Variants in ANKS1A observed in about 807,000 individuals in gnomAD.
The protein encoded by ANKS1A is ankyrin repeat and sterile alpha motif domain containing 1A.
Under a neutral mutation model 120.3 loss-of-function variants are expected in ANKS1A, and 55 were observed. The ratio of observed to expected loss-of-function variants is 0.46; its 90% CI spans 0.37 to 0.57. The LOEUF (loss-of-function observed/expected upper bound fraction) is 0.57. ANKS1A is among the 20% of genes least tolerant of loss of function. The pLI, the probability that ANKS1A is intolerant of heterozygous loss-of-function variation, is 0.00. For synonymous variants in ANKS1A, 590 were observed against 604.7 expected, an observed-to-expected ratio of 0.98 and a Z score of 0.36; for missense variants, 1,123 against 1,480.3, an observed-to-expected ratio of 0.76 and a Z score of 3.96.
chr6:34,923,883 C>T (rs908787081), intron 1 of ANKS1A, among the ~76,000 whole-genome samples: 2 of 152,154 alleles, frequency 1.3e-5, no homozygotes, highest in African/African-American at 4.8e-5. Context: ...CTCACTGCTG[C>T]ATACTCAAAG....
intron 1 of ANKS1A, among the ~76,000 whole-genome samples, chr6:34,947,481 C>T (rs1470284829): frequency 6.6e-6 from 1 of 152,068 alleles, no homozygotes; most frequent in East Asian, 1.9e-4. Context: ...GTCTCTTGTG[C>T]TTCTGAAATA....
At chr6:34,908,218 C>T (rs1236630136) in intron 1 of ANKS1A, among the ~76,000 whole-genome samples, 1 of 152,146 alleles carries the variant, frequency 6.6e-6, no homozygotes, top group Non-Finnish European at 1.5e-5. Flanking sequence ...TCCTAGACTA[C>T]TTGTACCCCT....
chr6:34,966,085 C>G (rs936111778), intron 1 of ANKS1A, among the ~76,000 whole-genome samples: 43 of 152,074 alleles, frequency 2.8e-4, no homozygotes, highest in African/African-American at 9.9e-4. Context: ...AGACAGCTGC[C>G]CAGCTGACCT....
At chr6:34,983,459 C>A in intron 7 of ANKS1A, 34 bp downstream of exon 7, 1 of 1,502,734 alleles carries the variant, frequency 6.7e-7, no homozygotes, top group Non-Finnish European at 9.1e-7. Flanking sequence ...TAAAGGGGTG[C>A]TCAGCTTGAA....
intron 1 of ANKS1A, among the ~76,000 whole-genome samples, chr6:34,946,588 G>GAA (rs35244154): frequency 2.9e-5 from 4 of 136,994 alleles, no homozygotes; most frequent in Non-Finnish European, 3.2e-5. Context: ...ACTCTGTCTT[G>GAA]AAAAAAAAAA....
chr6:34,939,638 A>G (rs867537527), intron 1 of ANKS1A, among the ~76,000 whole-genome samples: 14 of 152,116 alleles, frequency 9.2e-5, no homozygotes, highest in African/African-American at 2.9e-4. Flanking sequence ...GCTTGAGCCC[A>G]GGAGTTCCAG....
chr6:35,079,289 T>G (rs1465860286), intron 14 of ANKS1A, among the ~76,000 whole-genome samples: 2 of 152,160 alleles, frequency 1.3e-5, no homozygotes, highest in East Asian at 3.9e-4. Flanking sequence ...TAGGGCCATC[T>G]TCCAGCCCTG....
chr6:34,976,263 T>G (rs1032237701), intron 3 of ANKS1A, among the ~76,000 whole-genome samples: 2 of 152,140 alleles, frequency 1.3e-5, no homozygotes, highest in Non-Finnish European at 2.9e-5. Flanking sequence ...AGTGCTAAGT[T>G]CTATCAGGCA....
At chr6:34,976,798 G>A (rs1305695194) in intron 3 of ANKS1A, among the ~76,000 whole-genome samples, 1 of 143,162 alleles carries the variant, frequency 7.0e-6, no homozygotes, top group Non-Finnish European at 1.6e-5. Context: ...GTGTGTGTGT[G>A]TATGCAATAA....
chr6:35,048,181 GA>G (rs897759559), intron 11 of ANKS1A, among the ~76,000 whole-genome samples: 9 of 152,198 alleles, frequency 5.9e-5, no homozygotes, highest in Non-Finnish European at 1.2e-4. Flanking sequence ...AGGGAAGACG[GA>G]CAAAGCACTT....
chr6:35,075,468 T>A (rs1581741624), intron 13 of ANKS1A, among the ~76,000 whole-genome samples: 1 of 147,864 alleles, frequency 6.8e-6, no homozygotes, highest in Non-Finnish European at 1.5e-5. Flanking sequence ...CAGGCTGGAG[T>A]GCAGTGGCGC....
chr6:35,092,860 C>T (rs192418276), downstream of ANKS1A, among the ~76,000 whole-genome samples: 25 of 152,308 alleles, frequency 1.6e-4, no homozygotes, highest in Middle Eastern at 3.4e-3. Flanking sequence ...GGCTCCTAGA[C>T]AGCTGGGTTG....
chr6:34,933,024 A>T (rs187727355), intron 1 of ANKS1A, among the ~76,000 whole-genome samples: 50 of 152,244 alleles, frequency 3.3e-4, no homozygotes, highest in Non-Finnish European at 4.7e-4. Context: ...ATTTTATCCT[A>T]GTGGATATAA....
chr6:34,938,552 A>G (rs1769369519), intron 1 of ANKS1A, among the ~76,000 whole-genome samples: 1 of 152,238 alleles, frequency 6.6e-6, no homozygotes, highest in Admixed American at 6.5e-5. Context: ...CCCTCCCCCA[A>G]GAAGCCTATT....
intron 1 of ANKS1A, among the ~76,000 whole-genome samples, chr6:34,931,072 T>C (rs868177505): frequency 1.3e-4 from 19 of 151,444 alleles, no homozygotes; most frequent in African/African-American, 4.1e-4. Context: ...AGAGACAGGG[T>C]TTCTCCATGT....
At chr6:34,947,661 C>A (rs950016414) in intron 1 of ANKS1A, among the ~76,000 whole-genome samples, 1 of 152,096 alleles carries the variant, frequency 6.6e-6, no homozygotes, top group Non-Finnish European at 1.5e-5. Context: ...ATCTGGAAAA[C>A]AAAAAGCTGT....
At chr6:34,906,605 G>T (rs1294265213) in intron 1 of ANKS1A, among the ~76,000 whole-genome samples, 1 of 152,196 alleles carries the variant, frequency 6.6e-6, no homozygotes, top group Non-Finnish European at 1.5e-5. Flanking sequence ...AATTATAAAT[G>T]TAGGAATAAT....
chr6:35,071,889 AG>A (rs909753054), intron 13 of ANKS1A, among the ~76,000 whole-genome samples: 2 of 152,312 alleles, frequency 1.3e-5, no homozygotes, highest in African/African-American at 4.8e-5. Flanking sequence ...GTGGAGGGAG[AG>A]GGAGTCCAAG....
At chr6:35,068,686 G>A (rs1373704243) in intron 13 of ANKS1A, among the ~76,000 whole-genome samples, 3 of 152,234 alleles carry the variant, frequency 2.0e-5, no homozygotes, top group Non-Finnish European at 4.4e-5. Context: ...GTGAAGGGGA[G>A]AGGCTGGAGG....
Sources: gnomAD v4.1 joint callset for allele counts (sites outside exome capture counted in the v4.1 genomes callset) on GRCh38, gnomAD v4.1.1 for gene constraint, MANE v1.5 for transcripts, NCBI Gene and HGNC (gene_info 2026-07-23, HGNC 2026-07-21) for gene names.